GTF2F2: variants seen among roughly 807,000 people sequenced by gnomAD.
GTF2F2 encodes general transcription factor IIF subunit 2, also known as ATP-dependent helicase GTF2F2.
GTF2F2 carries 23 observed loss-of-function variants against 42.2 expected under a neutral mutation model. That is an observed-to-expected ratio of 0.55 (90% CI 0.39 to 0.77). The LOEUF is 0.77. Ranked by LOEUF, GTF2F2 falls within the 30% of genes least tolerant of loss-of-function variation. The pLI is 0.00. For missense variants in GTF2F2, 261 were observed against 287.2 expected (o/e 0.91, Z 0.66); for synonymous variants, 105 against 100.8 (o/e 1.04, Z -0.25).
intron 2 of GTF2F2, among the ~76,000 whole-genome samples, chr13:45,148,769 T>C (rs949864631): frequency 3.3e-5 from 5 of 152,186 alleles, no homozygotes; most frequent in African/African-American, 1.2e-4. Context: ...TAAGTTCTTA[T>C]ATAGGATGTA....
intron 5 of GTF2F2, among the ~76,000 whole-genome samples, chr13:45,243,202 T>G (rs1337578362): frequency 6.6e-6 from 1 of 152,198 alleles, no homozygotes; most frequent in African/African-American, 2.4e-5. Flanking sequence ...ACCTCCATCC[T>G]TCTGTGTACT....
At chr13:45,149,616 A>C (rs995079207) in intron 2 of GTF2F2, among the ~76,000 whole-genome samples, 154 bp from the exon 3 acceptor site, 10 of 152,134 alleles carry the variant, frequency 6.6e-5, no homozygotes, top group Admixed American at 2.6e-4. Context: ...GGTTATAAAT[A>C]GGATAGTTGT....
At chr13:45,134,541 A>G (rs1869518388) in intron 1 of GTF2F2, among the ~76,000 whole-genome samples, 1 of 152,128 alleles carries the variant, frequency 6.6e-6, no homozygotes, top group African/African-American at 2.4e-5. Context: ...AATCCTCTTT[A>G]AGTGGGTTTT....
At chr13:45,171,823 A>G (rs1315269768) in intron 4 of GTF2F2, among the ~76,000 whole-genome samples, 1 of 150,650 alleles carries the variant, frequency 6.6e-6, no homozygotes, top group African/African-American at 2.4e-5. Context: ...CATTCTGGAC[A>G]GTTTATATAA....
At chr13:45,255,521 G>T (rs183423987) in intron 6 of GTF2F2, among the ~76,000 whole-genome samples, 1 of 152,158 alleles carries the variant, frequency 6.6e-6, no homozygotes, top group Non-Finnish European at 1.5e-5. Flanking sequence ...TAAACTAAAG[G>T]ACAGGTAAGG....
intron 6 of GTF2F2, among the ~76,000 whole-genome samples, chr13:45,258,223 A>G (rs188770292): frequency 7.6e-4 from 115 of 152,020 alleles, no homozygotes; most frequent in Non-Finnish European, 1.4e-3. Flanking sequence ...GGAATCAAAA[A>G]CAACTCTAGA....
Position 45,267,246 on chromosome 13 carries a change from GGAAAAAGAAAGAAGAC to G in GTF2F2, c.502_517del (p.Lys168GlufsTer12). 1 of 1,612,308 alleles carries G rather than the reference GGAAAAAGAAAGAAGAC, an allele frequency of 6.2e-7. No homozygotes were observed. Among genetic ancestry groups the G allele is most frequent in the Non-Finnish European group, 8.5e-7 (1 of 1,179,016 alleles). ...GTTTGCATATAGATCGAATATGAAA[GGAAAAAGAAAGAAGAC>G]GGAAAGCGAGCTCGAGCTGATAAAC... On this transcript the variant is annotated frameshift_variant, in exon 7 of 8. Coordinates refer to ENST00000340473, the MANE Select transcript of GTF2F2 (RefSeq NM_004128.3). LOFTEE classifies it high-confidence loss of function.
chr13:45,261,144 G>A (rs1163895053), intron 6 of GTF2F2, among the ~76,000 whole-genome samples: 3 of 151,500 alleles, frequency 2.0e-5, no homozygotes, highest in East Asian at 3.9e-4. Flanking sequence ...AAAGGTTTGG[G>A]GGCCGGGTGC....
intron 4 of GTF2F2, among the ~76,000 whole-genome samples, chr13:45,177,107 T>C (rs1391870035): frequency 6.6e-6 from 1 of 152,130 alleles, no homozygotes; most frequent in Non-Finnish European, 1.5e-5. Context: ...GTTTTTTCTG[T>C]AGGTGTGAGA....
At chr13:45,173,854 T>G (rs1683307387) in intron 4 of GTF2F2, among the ~76,000 whole-genome samples, 1 of 152,046 alleles carries the variant, frequency 6.6e-6, no homozygotes. Context: ...CCTGACCTCG[T>G]GATCCACCTG....
intron 7 of GTF2F2, among the ~76,000 whole-genome samples, chr13:45,282,017 G>C (rs1877287492): frequency 6.6e-6 from 1 of 151,988 alleles, no homozygotes; most frequent in Admixed American, 6.6e-5. Context: ...TGGCCAACAT[G>C]GTGAAACCCC....
Position 45,249,304 on chromosome 13 carries a change from CTT to C in GTF2F2, c.387-3564_387-3563del, listed in dbSNP as rs1430893877. 2.6e-5 allele frequency among the ~76,000 whole-genome samples: 4 copies of C among 152,148 alleles called. No homozygotes were observed. The East Asian group carries it at 7.7e-4, about 29-fold the overall frequency. ...TTAGTTTTGAATCATAAGTTGTCCT[CTT>C]TTAATTAAAACCCTTGTGGTTGCCT... is the stretch of plus-strand genomic sequence containing the variant. On this transcript the variant is annotated intron_variant, in intron 5 of 7. Coordinates refer to ENST00000340473, the MANE Select transcript of GTF2F2 (RefSeq NM_004128.3).
chr13:45,199,509 TA>T (rs56378805), intron 4 of GTF2F2, among the ~76,000 whole-genome samples: 31,422 of 152,172 alleles, frequency 0.21, 3,481 homozygotes, highest in African/African-American at 0.23. Context: ...TTAAGTTTTT[TA>T]AAAATGAAGT....
chr13:45,281,960 A>C (rs4374066), intron 7 of GTF2F2, among the ~76,000 whole-genome samples: 59,585 of 151,912 alleles, frequency 0.39, 13,642 homozygotes, highest in African/African-American at 0.62. Flanking sequence ...GCACTTTGGG[A>C]GGCCGAAGTG....
At position 45,123,079 on chromosome 13, in the gene GTF2F2, CA is replaced by C. The variant is rs896153581; in HGVS notation, c.66+2370del. The C allele has an allele frequency of 8.2e-3, 1,164 of 141,850 alleles. 14 individuals are homozygous for C. Among genetic ancestry groups the C allele is most frequent in the African/African-American group, 0.026 (990 of 38,816 alleles). 8.8% of individuals were successfully genotyped at this position (141,850 alleles called of 1,614,324 possible). A position where few individuals can be genotyped will look rare whatever the true frequency, so the allele number is the denominator to read the frequency against. The stretch of plus-strand genomic sequence containing the variant: ...TGGGCGACAGAGTGACATCCTGTCT[CA>C]AAAAAAAAAAATGGATGTGAGTGTG... On this transcript the variant is annotated intron_variant, in intron 1 of 7. Coordinates refer to ENST00000340473, the MANE Select transcript of GTF2F2 (RefSeq NM_004128.3).
intron 5 of GTF2F2, among the ~76,000 whole-genome samples, chr13:45,244,620 A>AT (rs1486556299): frequency 6.6e-6 from 1 of 152,196 alleles, no homozygotes; most frequent in African/African-American, 2.4e-5. Flanking sequence ...TAACAAAGCT[A>AT]TTTAATTTTA....
intron 2 of GTF2F2, among the ~76,000 whole-genome samples, chr13:45,140,916 C>T (rs1271409847): frequency 1.3e-5 from 2 of 152,158 alleles, no homozygotes; most frequent in Non-Finnish European, 2.9e-5. Context: ...GGCTTCTAGT[C>T]CTGAATGGCT....
chr13:45,170,372 T>C (rs866712725), intron 4 of GTF2F2, among the ~76,000 whole-genome samples: 1 of 152,246 alleles, frequency 6.6e-6, no homozygotes, highest in African/African-American at 2.4e-5. Context: ...TGGGCTCCAA[T>C]TAATTTTTCT....
chr13:45,219,369 A>G (rs1220565834), intron 5 of GTF2F2: 1 of 152,194 alleles, frequency 6.6e-6, no homozygotes, highest in Non-Finnish European at 1.5e-5. Context: ...AGGAAAAGAG[A>G]AAGGAGCAGC....
Sources: gnomAD v4.1 joint callset for allele counts (sites outside exome capture counted in the v4.1 genomes callset) on GRCh38, gnomAD v4.1.1 for gene constraint, MANE v1.5 for transcripts, NCBI Gene and HGNC (gene_info 2026-07-23, HGNC 2026-07-21) for gene names.